The following ROBO2 variants were observed in gnomAD, a reference collection of about 807,000 sequenced individuals.
ROBO2 encodes the protein roundabout homolog 2.
A neutral mutation model predicts 160.8 loss-of-function variants in ROBO2; 53 were observed. The observed-to-expected ratio is 0.33, with a 90% confidence interval of 0.26 to 0.41. ROBO2 has a LOEUF of 0.41. Ranked by LOEUF, ROBO2 falls within the 10% of genes least tolerant of loss-of-function variation. ROBO2 has a pLI of 1.00. For missense variants in ROBO2, 1,577 were observed against 1,722.4 expected (o/e 0.92, Z 1.49); for synonymous variants, 664 against 611.7 (o/e 1.09, Z -1.26).
intron 2 of ROBO2, among the ~76,000 whole-genome samples, chr3:77,099,092 GA>G (rs1209307669): frequency 4.3e-5 from 3 of 69,518 alleles, no homozygotes; most frequent in African/African-American, 1.4e-4. Context: ...TTTTTTTTGA[GA>G]CAGTGTCTCC....
intron 1 of ROBO2, among the ~76,000 whole-genome samples, chr3:77,069,550 A>G (rs551642720): frequency 8.5e-5 from 13 of 152,374 alleles, no homozygotes; most frequent in Admixed American, 1.3e-4. Flanking sequence ...CTTGTAAGTC[A>G]GTGACTTCTA....
At chr3:77,385,635 A>G (rs935014396) in intron 2 of ROBO2, among the ~76,000 whole-genome samples, 2 of 152,156 alleles carry the variant, frequency 1.3e-5, no homozygotes, top group Admixed American at 6.5e-5. Flanking sequence ...ACCTATTCCT[A>G]TGGAAAACTT....
At chr3:77,295,781 G>T (rs1199483045) in intron 2 of ROBO2, among the ~76,000 whole-genome samples, 1 of 149,716 alleles carries the variant, frequency 6.7e-6, no homozygotes, top group Non-Finnish European at 1.5e-5. Flanking sequence ...AAGTAAAATT[G>T]ATGTTTAAAT....
At chr3:77,145,901 C>T (rs115378926) in intron 2 of ROBO2, among the ~76,000 whole-genome samples, 2,000 of 152,220 alleles carry the variant, frequency 0.013, 66 homozygotes, top group African/African-American at 0.045. Flanking sequence ...TGGTCTGAGA[C>T]GCCTGGTATC....
At chr3:76,453,414 C>T (rs1218551581) in intron 2 of ROBO2, among the ~76,000 whole-genome samples, 5 of 152,216 alleles carry the variant, frequency 3.3e-5, no homozygotes, top group Admixed American at 6.5e-5. Context: ...GTTTTCCCAG[C>T]ACCATTTATG....
chr3:76,172,843 T>C (rs865949522), intron 2 of ROBO2, among the ~76,000 whole-genome samples: 4 of 152,022 alleles, frequency 2.6e-5, no homozygotes, highest in South Asian at 2.1e-4. Flanking sequence ...CATGGAAAAA[T>C]ATAATAAGTT....
chr3:76,622,216 AAGGAAGGAAGGAAGG>A (rs1560251415), intron 2 of ROBO2, among the ~76,000 whole-genome samples: 4 of 46,050 alleles, frequency 8.7e-5, no homozygotes, highest in African/African-American at 4.0e-4. Flanking sequence ...GGAAGGAAGG[AAGGAAGGAAGGAAGG>A]AAGGAAGAAA....
intron 2 of ROBO2, among the ~76,000 whole-genome samples, chr3:77,312,071 G>A (rs1560507341): frequency 2.0e-5 from 3 of 151,900 alleles, no homozygotes. Flanking sequence ...CGGCGACACA[G>A]CGAGATTACA....
intron 12 of ROBO2, among the ~76,000 whole-genome samples, chr3:77,566,568 C>T (rs1013380262): frequency 2.0e-5 from 3 of 151,926 alleles, no homozygotes; most frequent in African/African-American, 4.8e-5. Context: ...GCCAGTGAAA[C>T]GTAGAGAGAG....
At chr3:76,650,492 T>A (rs980291999) in intron 2 of ROBO2, among the ~76,000 whole-genome samples, 6 of 151,822 alleles carry the variant, frequency 4.0e-5, no homozygotes, top group East Asian at 1.9e-4. Flanking sequence ...TTTTTTTTTT[T>A]ATTTTTTTCT....
At chr3:77,587,349 C>G (rs2094078739) in intron 16 of ROBO2, among the ~76,000 whole-genome samples, 1 of 151,988 alleles carries the variant, frequency 6.6e-6, no homozygotes, top group Non-Finnish European at 1.5e-5. Flanking sequence ...GCAAAAGATG[C>G]TAGGAAGTGT....
chr3:76,822,518 A>T (rs902175216), intron 2 of ROBO2, among the ~76,000 whole-genome samples: 1 of 152,022 alleles, frequency 6.6e-6, no homozygotes, highest in Admixed American at 6.6e-5. Flanking sequence ...ACATTTGTTG[A>T]TAATTTACTA....
At chr3:76,827,059 C>T (rs968200724) in intron 2 of ROBO2, among the ~76,000 whole-genome samples, 3 of 152,134 alleles carry the variant, frequency 2.0e-5, no homozygotes, top group Admixed American at 6.6e-5. Flanking sequence ...TGACAATATA[C>T]GGTTATGGCT....
intron 2 of ROBO2, among the ~76,000 whole-genome samples, chr3:76,814,591 C>CG (rs996007628): frequency 1.4e-4 from 20 of 138,656 alleles, no homozygotes; most frequent in East Asian, 1.3e-3. Flanking sequence ...ATAAAAGGAT[C>CG]GGTTTTTTTT....
chr3:76,274,836 CAA>C (rs76078360), intron 2 of ROBO2, among the ~76,000 whole-genome samples: 244 of 79,326 alleles, frequency 3.1e-3, no homozygotes, highest in African/African-American at 8.4e-3. Flanking sequence ...GACTCCTTTT[CAA>C]AAAAAAAAAA....
chr3:77,328,567 T>G (rs2065670281), intron 2 of ROBO2, among the ~76,000 whole-genome samples: 1 of 152,180 alleles, frequency 6.6e-6, no homozygotes, highest in South Asian at 2.1e-4. Flanking sequence ...GTGATTGATC[T>G]GCTGTTTAAC....
intron 2 of ROBO2, among the ~76,000 whole-genome samples, chr3:76,909,124 G>A (rs2075805047): frequency 6.6e-6 from 1 of 152,140 alleles, no homozygotes; most frequent in Non-Finnish European, 1.5e-5. Context: ...CTACTCTGGA[G>A]GCTAAGGCAG....
At chr3:76,979,634 T>C (rs904862617) in intron 2 of ROBO2, among the ~76,000 whole-genome samples, 10 of 151,562 alleles carry the variant, frequency 6.6e-5, no homozygotes, top group Admixed American at 5.3e-4. Context: ...ATGTTTGATA[T>C]GATTTTTTTT....
At chr3:76,323,311 A>G (rs971650365) in intron 2 of ROBO2, among the ~76,000 whole-genome samples, 1 of 152,120 alleles carries the variant, frequency 6.6e-6, no homozygotes, top group Non-Finnish European at 1.5e-5. Context: ...TAAAACTCAA[A>G]TAGCCAAATC....
Sources: gnomAD v4.1 joint callset for allele counts (sites outside exome capture counted in the v4.1 genomes callset) on GRCh38, gnomAD v4.1.1 for gene constraint, MANE v1.5 for transcripts, NCBI Gene and HGNC (gene_info 2026-07-23, HGNC 2026-07-21) for gene names.